Variants in NR2F1-AS1 observed in about 807,000 individuals in gnomAD.
NR2F1-AS1 encodes the protein NR2F1 regulatory antisense RNA 1.
chr5:93,560,114 T>A (rs1057307846), intron 2 of NR2F1-AS1, among the ~76,000 whole-genome samples: 1 of 152,200 alleles, frequency 6.6e-6, no homozygotes, highest in African/African-American at 2.4e-5. Flanking sequence ...ATCAATAAAA[T>A]GGTAGTTTTA....
chr5:93,535,616 A>G (rs998581328), intron 4 of NR2F1-AS1, among the ~76,000 whole-genome samples: 1 of 152,118 alleles, frequency 6.6e-6, no homozygotes. Context: ...AAAAGACACA[A>G]GCAAACTAAA....
intron 4 of NR2F1-AS1, among the ~76,000 whole-genome samples, chr5:93,468,687 T>C (rs1433984178): frequency 1.3e-5 from 2 of 152,084 alleles, no homozygotes; most frequent in African/African-American, 4.8e-5. Context: ...TTTGTTGCCA[T>C]TGCTTTTGGT....
chr5:93,458,102 A>G (rs1236560885), intron 4 of NR2F1-AS1, among the ~76,000 whole-genome samples: 1 of 152,194 alleles, frequency 6.6e-6, no homozygotes, highest in Non-Finnish European at 1.5e-5. Context: ...GGCATTTCTC[A>G]TCAGGTGAAA....
chr5:93,508,481 T>C (rs960976631), intron 4 of NR2F1-AS1, among the ~76,000 whole-genome samples: 1 of 152,062 alleles, frequency 6.6e-6, no homozygotes, highest in Admixed American at 6.5e-5. Context: ...TTTTAAAACT[T>C]AAGGCTAGAA....
At chr5:93,415,015 G>A (rs1748939563) in intron 4 of NR2F1-AS1, among the ~76,000 whole-genome samples, 1 of 152,084 alleles carries the variant, frequency 6.6e-6, no homozygotes, top group African/African-American at 2.4e-5. Flanking sequence ...GGTAGCAGAG[G>A]TTATCAGATA....
intron 4 of NR2F1-AS1, among the ~76,000 whole-genome samples, chr5:93,539,459 T>C (rs1751905310): frequency 6.6e-6 from 1 of 152,152 alleles, no homozygotes; most frequent in African/African-American, 2.4e-5. Context: ...TGTGACAACA[T>C]GGATGAACCT....
At chr5:93,491,270 G>GGTT (rs1191353069) in intron 4 of NR2F1-AS1, among the ~76,000 whole-genome samples, 1 of 151,164 alleles carries the variant, frequency 6.6e-6, no homozygotes, top group Non-Finnish European at 1.5e-5. Flanking sequence ...TGGTGGTGGT[G>GGTT]GTCATGGTGG....
intron 4 of NR2F1-AS1, among the ~76,000 whole-genome samples, chr5:93,523,162 G>C (rs912037058): frequency 1.3e-5 from 2 of 152,130 alleles, no homozygotes; most frequent in Non-Finnish European, 2.9e-5. Flanking sequence ...GCTTGGTGGG[G>C]GGAGGGGTGT....
intron 4 of NR2F1-AS1, among the ~76,000 whole-genome samples, chr5:93,553,244 C>T (rs927926633): frequency 5.9e-5 from 9 of 151,938 alleles, no homozygotes; most frequent in African/African-American, 2.2e-4. Flanking sequence ...ATTCTCGTGC[C>T]TCAGCTTCCC....
intron 4 of NR2F1-AS1, among the ~76,000 whole-genome samples, chr5:93,444,198 C>T (rs909598887): frequency 2.0e-5 from 3 of 152,150 alleles, no homozygotes; most frequent in African/African-American, 7.2e-5. Flanking sequence ...TCACACATAA[C>T]AATATTAACC....
At chr5:93,541,735 C>T (rs1751954559) in intron 4 of NR2F1-AS1, 1 of 152,020 alleles carries the variant, frequency 6.6e-6, no homozygotes, top group Non-Finnish European at 1.5e-5. Flanking sequence ...AACCTATTGT[C>T]AGCCCTGGCC....
exon 4 of NR2F1-AS1, chr5:93,553,769 G>A (rs1265314281): frequency 6.6e-6 from 1 of 152,168 alleles, no homozygotes; most frequent in Non-Finnish European, 1.5e-5. Context: ...ACCATCAATA[G>A]AGATGAGCTG....
chr5:93,546,581 T>C (rs946633288), intron 4 of NR2F1-AS1, among the ~76,000 whole-genome samples: 2 of 152,178 alleles, frequency 1.3e-5, no homozygotes, highest in Non-Finnish European at 1.5e-5. Context: ...TGCATGTCAT[T>C]TTTTTTCATT....
chr5:93,530,116 T>C (rs903856724), intron 4 of NR2F1-AS1, among the ~76,000 whole-genome samples: 3 of 143,132 alleles, frequency 2.1e-5, no homozygotes, highest in African/African-American at 7.8e-5. Flanking sequence ...AGTCTTGCTC[T>C]ATCGCCCAGG....
chr5:93,503,548 C>T (rs191427889), intron 4 of NR2F1-AS1, among the ~76,000 whole-genome samples: 2 of 152,268 alleles, frequency 1.3e-5, no homozygotes, highest in African/African-American at 4.8e-5. Flanking sequence ...CGAAGTGTTG[C>T]CACCAGTCCC....
chr5:93,561,011 C>T (rs994595877), intron 2 of NR2F1-AS1, among the ~76,000 whole-genome samples: 2 of 152,216 alleles, frequency 1.3e-5, no homozygotes, highest in African/African-American at 2.4e-5. Flanking sequence ...TGGTGGCTCA[C>T]GCCTGTAATC....
chr5:93,521,119 A>G (rs1203309649), intron 4 of NR2F1-AS1, among the ~76,000 whole-genome samples: 1 of 152,162 alleles, frequency 6.6e-6, no homozygotes, highest in Non-Finnish European at 1.5e-5. Context: ...GCAATGGGGA[A>G]AAGACTCGCT....
intron 4 of NR2F1-AS1, among the ~76,000 whole-genome samples, chr5:93,525,272 C>A (rs1177411825): frequency 6.6e-6 from 1 of 152,128 alleles, no homozygotes; most frequent in Non-Finnish European, 1.5e-5. Flanking sequence ...AAGGGCATTA[C>A]ATAATGGTAA....
chr5:93,497,495 T>C (rs1259127528), intron 4 of NR2F1-AS1, among the ~76,000 whole-genome samples: 1 of 152,188 alleles, frequency 6.6e-6, no homozygotes, highest in African/African-American at 2.4e-5. Context: ...CCTACTTTGG[T>C]AAATTCAATT....
Sources: allele counts gnomAD v4.1 joint callset (sites outside exome capture counted in the v4.1 genomes callset), GRCh38; gene constraint gnomAD v4.1.1; transcripts MANE v1.5; gene names NCBI Gene and HGNC (gene_info 2026-07-23, HGNC 2026-07-21).